UST: variants seen among roughly 807,000 people sequenced by gnomAD.
The protein encoded by UST is uronyl 2-sulfotransferase.
Under a neutral mutation model 45.6 loss-of-function variants are expected in UST, and 21 were observed. The ratio of observed to expected loss-of-function variants is 0.46; its 90% CI spans 0.33 to 0.66. UST has a LOEUF of 0.66. Among genes scored for constraint, UST ranks in the 30% least tolerant of loss-of-function variants. The probability of loss-of-function intolerance (pLI) is 0.02; values close to 1 mark genes in which losing one functional copy is unlikely to be tolerated. For synonymous variants in UST, 215 were observed against 200.6 expected, an observed-to-expected ratio of 1.07 and a Z score of -0.61; for missense variants, 463 against 512.4, an observed-to-expected ratio of 0.90 and a Z score of 0.93.
In UST at chr6:148,964,464, G is replaced by A. The variant is rs532265535; in HGVS notation, c.582G>A (p.Arg194=). Residue 194 remains arginine (R), a synonymous_variant, in exon 5 of 8, where the codon CGG becomes CGA. Transcript: ENST00000367463. ...YINIIRDPVN[R]FLSNYFFRRF... is the part of the protein sequence containing the mutation. ...ACATCATTAGAGACCCCGTCAACCG[G>A]TTCTTATCCAACTATTTTTTCCGTC... The A allele has an allele frequency of 6.2e-7, 1 of 1,614,214 alleles. No individual in the cohort carries two copies. The highest frequency in any genetic ancestry group is 1.1e-5 in the South Asian group (1 of 91,088).
intron 2 of UST, among the ~76,000 whole-genome samples, chr6:148,888,937 G>A (rs1389204693): frequency 6.6e-6 from 1 of 152,188 alleles, no homozygotes; most frequent in Non-Finnish European, 1.5e-5. Flanking sequence ...TCTTGTATTA[G>A]CCTCAATGCA....
At chr6:148,986,523 G>A (rs1486304969) in intron 5 of UST, among the ~76,000 whole-genome samples, 4 of 152,200 alleles carry the variant, frequency 2.6e-5, no homozygotes, top group South Asian at 2.1e-4. Context: ...CCATATAGGA[G>A]TATTTACAGC....
At chr6:148,751,650 G>A (rs1002661846) in intron 1 of UST, among the ~76,000 whole-genome samples, 1 of 152,144 alleles carries the variant, frequency 6.6e-6, no homozygotes, top group Non-Finnish European at 1.5e-5. Context: ...GGGTGGAGGG[G>A]GAGCACAAAC....
At chr6:149,048,534 C>CAA (rs11333695) in intron 7 of UST, among the ~76,000 whole-genome samples, 3 of 129,552 alleles carry the variant, frequency 2.3e-5, no homozygotes, top group Non-Finnish European at 3.4e-5. Context: ...AGACTGTCTC[C>CAA]AAAAAAAAAA....
At chr6:149,014,052 G>C (rs1775859481) in intron 5 of UST, among the ~76,000 whole-genome samples, 1 of 152,240 alleles carries the variant, frequency 6.6e-6, no homozygotes, top group Non-Finnish European at 1.5e-5. Context: ...AAATAAAAGA[G>C]CAGTTTTATG....
At chr6:149,027,245 A>G (rs112894062) in intron 7 of UST, among the ~76,000 whole-genome samples, 385 of 152,360 alleles carry the variant, frequency 2.5e-3, no homozygotes, top group Middle Eastern at 0.01. Context: ...AATAATTCAA[A>G]TTTTAATCCA....
intron 2 of UST, among the ~76,000 whole-genome samples, chr6:148,927,295 G>A (rs2114905423): frequency 6.6e-6 from 1 of 152,274 alleles, no homozygotes; most frequent in East Asian, 1.9e-4. Context: ...AGGCTAGTGA[G>A]TTCATCAGGT....
intron 2 of UST, among the ~76,000 whole-genome samples, chr6:148,898,080 A>G (rs750111130): frequency 1.3e-5 from 2 of 152,192 alleles, no homozygotes; most frequent in Non-Finnish European, 2.9e-5. Flanking sequence ...TGCACTGGGT[A>G]ATAGATTTGT....
intron 2 of UST, among the ~76,000 whole-genome samples, chr6:148,913,770 T>C (rs1779525808): frequency 6.6e-6 from 1 of 152,216 alleles, no homozygotes. Flanking sequence ...ATATTAAGTC[T>C]ACTAGAAAAT....
At chr6:148,862,443 C>CT (rs1267170673) in intron 1 of UST, among the ~76,000 whole-genome samples, 4 of 146,436 alleles carry the variant, frequency 2.7e-5, no homozygotes, top group African/African-American at 7.6e-5. Flanking sequence ...GGTCTTGACT[C>CT]TTTATCCAAT....
chr6:148,946,447 G>T (rs1780236844), intron 3 of UST, among the ~76,000 whole-genome samples: 2 of 146,768 alleles, frequency 1.4e-5, no homozygotes, highest in African/African-American at 2.5e-5. Context: ...GGAGGCAGAG[G>T]TTGCAGTGAG....
intron 5 of UST, among the ~76,000 whole-genome samples, chr6:148,983,160 C>T (rs1160417095): frequency 6.6e-6 from 1 of 152,222 alleles, no homozygotes; most frequent in Non-Finnish European, 1.5e-5. Context: ...CTCAAAACAC[C>T]TCATTAAGTC....
chr6:148,963,151 T>A (rs1486376934), intron 4 of UST, among the ~76,000 whole-genome samples: 1 of 152,188 alleles, frequency 6.6e-6, no homozygotes, highest in Admixed American at 6.5e-5. Flanking sequence ...GGGCATTAAT[T>A]GCTGAGGGAT....
At chr6:148,992,757 A>G (rs1281142858) in intron 5 of UST, among the ~76,000 whole-genome samples, 3 of 152,200 alleles carry the variant, frequency 2.0e-5, no homozygotes. Flanking sequence ...TAGCATGAGA[A>G]TACAGGTCAG....
chr6:148,877,398 G>T (rs1481377693), intron 1 of UST, among the ~76,000 whole-genome samples: 1 of 58,380 alleles, frequency 1.7e-5, no homozygotes, highest in Non-Finnish European at 3.2e-5. Flanking sequence ...GAGTGCGGGG[G>T]TCGTGTATGA....
intron 5 of UST, among the ~76,000 whole-genome samples, chr6:149,018,334 G>A (rs1284480499): frequency 6.6e-6 from 1 of 152,120 alleles, no homozygotes; most frequent in African/African-American, 2.4e-5. Flanking sequence ...AATCTGCCTT[G>A]CCAGTATAGT....
At chr6:148,895,270 C>T (rs1779104658) in intron 2 of UST, among the ~76,000 whole-genome samples, 1 of 152,064 alleles carries the variant, frequency 6.6e-6, no homozygotes, top group East Asian at 1.9e-4. Flanking sequence ...AAATTCATTC[C>T]TGCTGTTCAA....
At chr6:148,765,998 CT>C (rs1327110876) in intron 1 of UST, among the ~76,000 whole-genome samples, 2 of 152,052 alleles carry the variant, frequency 1.3e-5, no homozygotes, top group Non-Finnish European at 2.9e-5. Context: ...TCCTATATGG[CT>C]TTTATTATTT....
chr6:149,042,940 GCTC>G (rs1776335270), intron 7 of UST, among the ~76,000 whole-genome samples: 1 of 146,020 alleles, frequency 6.8e-6, no homozygotes, highest in Admixed American at 6.9e-5. Context: ...TCTTTCAGCT[GCTC>G]CATCACCATC....
Sources: allele counts gnomAD v4.1 joint callset (sites outside exome capture counted in the v4.1 genomes callset), GRCh38; gene constraint gnomAD v4.1.1; transcripts MANE v1.5; gene names NCBI Gene and HGNC (gene_info 2026-07-23, HGNC 2026-07-21).